The following GMCL1 variants were observed in gnomAD, a reference collection of about 807,000 sequenced individuals.
The protein encoded by GMCL1 is germ cell-less 1, spermatogenesis associated.
Under a neutral mutation model 75.5 loss-of-function variants are expected in GMCL1, and 54 were observed. The observed-to-expected ratio is 0.71, with a 90% CI of 0.57 to 0.90. The LOEUF is 0.90. Ranked by LOEUF, GMCL1 falls within the 40% of genes least tolerant of loss-of-function variation. The pLI is 0.00. For missense variants in GMCL1, 537 were observed against 622.7 expected, an observed-to-expected ratio of 0.86 and a Z score of 1.47; for synonymous variants, 210 against 209.6, an observed-to-expected ratio of 1.00 and a Z score of -0.02.
At chr2:69,855,070 G>T in intron 9 of GMCL1, 110 bp downstream of exon 9, 1 of 854,832 alleles carries the variant, frequency 1.2e-6, no homozygotes, top group Non-Finnish European at 1.8e-6. Flanking sequence ...ATCCCAAAAA[G>T]GTATACATCT....
rs750658654 is a variant in GMCL1 at position 69,837,628 on chromosome 2, T to A, written c.342T>A (p.Ala114=). 1 of 1,606,908 alleles carries A rather than the reference T, an allele frequency of 6.2e-7. No homozygotes were observed. The highest frequency in any genetic ancestry group is 1.1e-5 in the South Asian group (1 of 88,856). ...NGENSDIKIC[A]LGEEWSLHKI... Reference sequence around the variant, plus strand: ...AAAACAGTGACATTAAGATTTGTGCTCTAGGAGAAGAATGGAGCTTACACA... The same window carrying A: ...AAAACAGTGACATTAAGATTTGTGCACTAGGAGAAGAATGGAGCTTACACA... The change falls in exon 2 of 14, where the codon GCT becomes GCA. Residue 114 remains alanine (A), a synonymous_variant. Transcript: ENST00000282570.
chr2:69,831,251 A>T (rs777182282), intron 1 of GMCL1, among the ~76,000 whole-genome samples: 1 of 152,222 alleles, frequency 6.6e-6, no homozygotes, highest in Non-Finnish European at 1.5e-5. Context: ...AGATTCAAAA[A>T]GGTTTTGCTA....
rs1676247917 is a variant in GMCL1 at position 69,880,426 on chromosome 2, T to C, written c.*1422T>C. The C allele has an allele frequency of 6.6e-6, 1 of 152,214 alleles. No individual in the cohort carries two copies. The allele number at this position is 152,214 out of a possible 1,614,324, so 9.4% of individuals were successfully genotyped here. ...AGGTTCATAAATTGCTTTTGTTCTT[T>C]TAAAATTCATCCATTTGGTTTAACT... On this transcript the variant is annotated 3_prime_UTR_variant, in exon 14 of 14. Transcript: ENST00000282570.
chr2:69,832,537 G>A (rs1674704336), intron 1 of GMCL1, among the ~76,000 whole-genome samples: 1 of 152,156 alleles, frequency 6.6e-6, no homozygotes, highest in South Asian at 2.1e-4. Flanking sequence ...TATATAACAA[G>A]TAGTGGTGAA....
At position 69,840,946 on chromosome 2, in the gene GMCL1, G is replaced by T; in HGVS notation, c.486G>T (p.Leu162=). Residue 162 remains leucine, a synonymous_variant, in exon 4 of 14, where the codon CTG becomes CTT. Transcript: ENST00000282570. ...IPDQNIDVEA[L]QVAFGSLYRD... is the part of the protein sequence containing the mutation. Reference sequence around the variant, plus strand: ...ACATGTGTACCTTGCTTTCAGCACTGCAGGTTGCATTTGGTTCACTGTATC... The same window carrying T: ...ACATGTGTACCTTGCTTTCAGCACTTCAGGTTGCATTTGGTTCACTGTATC... 1 of 1,612,448 alleles carries T rather than the reference G, an allele frequency of 6.2e-7. No homozygotes were observed. The highest frequency in any genetic ancestry group is 1.7e-4 in the Middle Eastern group (1 of 6,050).
rs780645521 is a variant in GMCL1, at chr2:69,854,822, G to C, written c.935-1G>C. Reference sequence around the variant, plus strand: ...TGTTTAACTTACATGGTTTTTTATAGATTTTGAAGGTATGGCCTTTCTTGA... The same window carrying C: ...TGTTTAACTTACATGGTTTTTTATACATTTTGAAGGTATGGCCTTTCTTGA... On this transcript the variant is annotated splice_acceptor_variant, in intron 8 of 13. Coordinates refer to ENST00000282570, the MANE Select transcript of GMCL1 (RefSeq NM_178439.5). LOFTEE classifies it high-confidence loss of function. The C allele has an allele frequency of 1.2e-6, 2 of 1,601,490 alleles. No homozygotes were observed. Among genetic ancestry groups the C allele is most frequent in the Non-Finnish European group, 1.7e-6 (2 of 1,176,424 alleles).
At chr2:69,842,032 A>G (rs1675002882) in intron 4 of GMCL1, among the ~76,000 whole-genome samples, 2 of 152,240 alleles carry the variant, frequency 1.3e-5, no homozygotes. Flanking sequence ...CAGGGGAAAG[A>G]CGAAGTTATG....
At chr2:69,856,899 A>G (rs897671821) in intron 9 of GMCL1, among the ~76,000 whole-genome samples, 5 of 151,950 alleles carry the variant, frequency 3.3e-5, no homozygotes, top group Admixed American at 3.3e-4. Flanking sequence ...CAGTCACATA[A>G]TATGTCCATA....
intron 9 of GMCL1, among the ~76,000 whole-genome samples, chr2:69,855,258 T>C (rs1675436876): frequency 6.6e-6 from 1 of 152,062 alleles, no homozygotes; most frequent in Non-Finnish European, 1.5e-5. Context: ...ATGAGACTTT[T>C]TAAAATGACT....
intron 13 of GMCL1, among the ~76,000 whole-genome samples, chr2:69,874,925 T>A (rs1676083750): frequency 6.6e-6 from 1 of 151,772 alleles, no homozygotes; most frequent in Non-Finnish European, 1.5e-5. Flanking sequence ...TGTATTTTTT[T>A]ATAGAGACGA....
In GMCL1 at chr2:69,864,542, T is replaced by G. The variant is rs551853672; in HGVS notation, c.1143-358T>G. ...AGGTGATATCAAGTCACATCTTATT[T>G]ACAGAAATAATAGATTTTAGCTTAT... On this transcript the variant is annotated intron_variant, in intron 10 of 13. Transcript: ENST00000282570. Among the ~76,000 whole-genome samples the G allele has an allele frequency of 9.9e-5, 15 of 151,302 alleles. No homozygotes were observed. The South Asian group carries it at 3.1e-3, about 32-fold the overall frequency.
At chr2:69,875,711 T>C (rs1246335282) in intron 13 of GMCL1, among the ~76,000 whole-genome samples, 1 of 152,160 alleles carries the variant, frequency 6.6e-6, no homozygotes, top group Non-Finnish European at 1.5e-5. Flanking sequence ...TTTTTTTTTT[T>C]TTGAAACGGA....
chr2:69,839,672 A>C, intron 3 of GMCL1, 119 bp downstream of exon 3: 5 of 588,832 alleles, frequency 8.5e-6, no homozygotes, highest in Non-Finnish European at 6.2e-6. Context: ...TTATCACCTC[A>C]AGGTGATAAT....
chr2:69,854,336 G>A (rs1675408649), intron 8 of GMCL1, among the ~76,000 whole-genome samples: 1 of 152,046 alleles, frequency 6.6e-6, no homozygotes, highest in African/African-American at 2.4e-5. Flanking sequence ...TTCTTATTTT[G>A]TATTTCAATA....
intron 3 of GMCL1, 107 bp downstream of exon 3, chr2:69,839,660 T>A: frequency 1.5e-6 from 1 of 657,806 alleles, no homozygotes; most frequent in South Asian, 2.0e-5. Flanking sequence ...AGAAAACTCC[T>A]TTTATCACCT....
intron 9 of GMCL1, among the ~76,000 whole-genome samples, chr2:69,856,346 GT>G (rs758498467): frequency 4.6e-5 from 7 of 152,160 alleles, no homozygotes; most frequent in Non-Finnish European, 8.8e-5. Context: ...GGGTACATCT[GT>G]TTACCATCTT....
chr2:69,831,075 C>A (rs866306421), intron 1 of GMCL1, among the ~76,000 whole-genome samples: 1 of 152,076 alleles, frequency 6.6e-6, no homozygotes, highest in African/African-American at 2.4e-5. Context: ...CGCACCACCA[C>A]GCCTGGCTAA....
intron 12 of GMCL1, among the ~76,000 whole-genome samples, 199 bp downstream of exon 12, chr2:69,870,063 A>G (rs1227957420): frequency 6.7e-6 from 1 of 148,486 alleles, no homozygotes; most frequent in Non-Finnish European, 1.5e-5. Context: ...GTCAGGGAGA[A>G]TGAATAGGCT....
At chr2:69,854,732 G>C (rs1254987773) in intron 8 of GMCL1, 91 bp from the exon 9 acceptor site, 2 of 971,924 alleles carry the variant, frequency 2.1e-6, no homozygotes, top group African/African-American at 3.3e-5. Context: ...TATTCTAATA[G>C]ACATGAATGT....
Sources: allele counts gnomAD v4.1 joint callset (sites outside exome capture counted in the v4.1 genomes callset), GRCh38; gene constraint gnomAD v4.1.1; transcripts MANE v1.5; gene names NCBI Gene and HGNC (gene_info 2026-07-23, HGNC 2026-07-21).